The following CCDC171 variants were observed in gnomAD, a reference collection of about 807,000 sequenced individuals.
CCDC171 encodes coiled-coil domain-containing protein 171.
Under a neutral mutation model 168.2 loss-of-function variants are expected in CCDC171, and 177 were observed. The ratio of observed to expected loss-of-function variants is 1.05; its 90% CI spans 0.93 to 1.19. The LOEUF (loss-of-function observed/expected upper bound fraction) is 1.19. Ranked by LOEUF, CCDC171 falls within the 50% of genes most tolerant of loss-of-function variation. CCDC171 has a pLI of 0.00. For missense variants in CCDC171, 1,991 were observed against 1,539.0 expected, an observed-to-expected ratio of 1.29 and a Z score of -4.91; for synonymous variants, 687 against 540.8, an observed-to-expected ratio of 1.27 and a Z score of -3.75.
intron 10 of CCDC171, among the ~76,000 whole-genome samples, chr9:15,685,174 G>A (rs1312270851): frequency 2.6e-5 from 4 of 152,126 alleles, no homozygotes; most frequent in Non-Finnish European, 2.9e-5. Context: ...GACAAAATAT[G>A]TTAATAAAAA....
intron 1 of CCDC171, among the ~76,000 whole-genome samples, chr9:16,057,685 C>A (rs890365817): frequency 6.6e-6 from 1 of 152,220 alleles, no homozygotes; most frequent in African/African-American, 2.4e-5. Context: ...CCGCTTCCCT[C>A]CCTCTGCCAC....
At chr9:16,092,852 G>A in the CCDC171 span, among the ~76,000 whole-genome samples, 2 of 152,292 alleles carry the variant, frequency 1.3e-5, no homozygotes, top group African/African-American at 4.8e-5. Flanking sequence ...GGGTGGGTGG[G>A]AGCTGGCTGA....
At chr9:15,643,194 A>G (rs1046813644) in intron 7 of CCDC171, among the ~76,000 whole-genome samples, 1 of 152,080 alleles carries the variant, frequency 6.6e-6, no homozygotes, top group Non-Finnish European at 1.5e-5. Context: ...TCTCAATCCT[A>G]TGGGCTATTT....
At chr9:15,861,918 G>T (rs1372399455) in intron 23 of CCDC171, among the ~76,000 whole-genome samples, 1 of 151,874 alleles carries the variant, frequency 6.6e-6, no homozygotes, top group African/African-American at 2.4e-5. Context: ...TCCTTGTAAG[G>T]CAAGTCTGTT....
chr9:15,600,488 C>T (rs888631534), intron 6 of CCDC171, among the ~76,000 whole-genome samples: 1 of 152,290 alleles, frequency 6.6e-6, no homozygotes, highest in East Asian at 1.9e-4. Context: ...CCTGATTGTT[C>T]TTCTGGAAGT....
chr9:15,769,652 G>A (rs1381295641), intron 18 of CCDC171, among the ~76,000 whole-genome samples: 1 of 152,166 alleles, frequency 6.6e-6, no homozygotes, highest in Non-Finnish European at 1.5e-5. Flanking sequence ...AATCATGAGA[G>A]TCATCACTTA....
intron 21 of CCDC171, among the ~76,000 whole-genome samples, chr9:15,820,462 G>C (rs2059724939): frequency 8.6e-6 from 1 of 115,932 alleles, no homozygotes; most frequent in African/African-American, 3.3e-5. Context: ...ATGAAGAAAA[G>C]AGAGAAGAAT....
chr9:15,612,854 A>G (rs1461302165), intron 6 of CCDC171, among the ~76,000 whole-genome samples: 3 of 152,122 alleles, frequency 2.0e-5, no homozygotes, highest in Non-Finnish European at 4.4e-5. Context: ...TGTTTTTCCC[A>G]CTGAACATCT....
chr9:15,752,164 C>G (rs560254449), intron 18 of CCDC171, among the ~76,000 whole-genome samples: 1 of 152,198 alleles, frequency 6.6e-6, no homozygotes, highest in African/African-American at 2.4e-5. Flanking sequence ...TGCTCATCAT[C>G]ACTGGTCATC....
intron 18 of CCDC171, among the ~76,000 whole-genome samples, chr9:15,765,075 G>A (rs7032870): frequency 0.03 from 4,596 of 152,288 alleles, 217 homozygotes; most frequent in African/African-American, 0.1. Flanking sequence ...CATGTGGAAT[G>A]CTGCTGCTAA....
At chr9:15,826,514 A>G (rs981867820) in intron 21 of CCDC171, among the ~76,000 whole-genome samples, 3 of 152,170 alleles carry the variant, frequency 2.0e-5, no homozygotes, top group Admixed American at 2.0e-4. Context: ...ACTATGTCAT[A>G]AAGACATGGC....
At chr9:15,908,753 G>T (rs1157057283) in intron 24 of CCDC171, among the ~76,000 whole-genome samples, 1 of 152,178 alleles carries the variant, frequency 6.6e-6, no homozygotes, top group Non-Finnish European at 1.5e-5. Flanking sequence ...GGAAGCTTAA[G>T]ATTCTGGCAG....
intron 24 of CCDC171, among the ~76,000 whole-genome samples, chr9:15,885,229 G>A (rs1213408416): frequency 2.0e-5 from 3 of 152,032 alleles, no homozygotes; most frequent in African/African-American, 4.8e-5. Context: ...ATGACAAAAC[G>A]TATCAAAGTA....
intron 18 of CCDC171, among the ~76,000 whole-genome samples, chr9:15,746,637 A>G (rs1258401236): frequency 2.6e-5 from 4 of 152,218 alleles, no homozygotes; most frequent in Admixed American, 6.5e-5. Context: ...AGTGCTTCCA[A>G]GATGGCCAAA....
intron 21 of CCDC171, among the ~76,000 whole-genome samples, chr9:15,824,847 G>A (rs1439739674): frequency 6.6e-6 from 1 of 152,054 alleles, no homozygotes; most frequent in South Asian, 2.1e-4. Context: ...GGATTCCAAC[G>A]TGGTTCATGG....
chr9:15,903,903 A>T (rs1338557194), intron 24 of CCDC171, among the ~76,000 whole-genome samples: 1 of 152,244 alleles, frequency 6.6e-6, no homozygotes, highest in Non-Finnish European at 1.5e-5. Context: ...AGCCGATTTG[A>T]TCAACTGGAA....
At position 15,623,301 on chromosome 9, in the gene CCDC171, A is replaced by T; in HGVS notation, c.710A>T (p.Lys237Ile). Residue 237 changes from lysine (K) to isoleucine (I), a missense_variant, in exon 7 of 26, where the codon AAA becomes ATA. Physicochemically the swap from Lys to Ile is moderately radical, Grantham distance 102 (BLOSUM62 -3). Coordinates refer to ENST00000380701, the MANE Select transcript of CCDC171 (RefSeq NM_173550.4). ...QDTAVQNMHK[K>I]VEKLETEHMD... ...ACTGCTGTGCAAAATATGCATAAGA[A>T]AGTAGAAAAATTAGAAACAGAACAT... The T allele has an allele frequency of 1.3e-6, 2 of 1,599,606 alleles. No individual in the cohort carries two copies. The highest frequency in any genetic ancestry group is 1.7e-6 in the Non-Finnish European group (2 of 1,172,204).
At chr9:15,871,019 C>T (rs981654977) in intron 23 of CCDC171, among the ~76,000 whole-genome samples, 1 of 150,868 alleles carries the variant, frequency 6.6e-6, no homozygotes, top group Non-Finnish European at 1.5e-5. Flanking sequence ...TTTTCTTCTC[C>T]TGTTTTTTAT....
At chr9:15,719,660 T>G (rs10810435) in intron 11 of CCDC171, among the ~76,000 whole-genome samples, 54,211 of 151,984 alleles carry the variant, frequency 0.36, 12,081 homozygotes, top group East Asian at 0.66. Context: ...TAAAACTTTA[T>G]TTTATTTAGA....
Sources: allele counts gnomAD v4.1 joint callset (sites outside exome capture counted in the v4.1 genomes callset), GRCh38; gene constraint gnomAD v4.1.1; transcripts MANE v1.5; gene names NCBI Gene and HGNC (gene_info 2026-07-23, HGNC 2026-07-21).